Variants in NUP107 observed in about 807,000 individuals in gnomAD.
NUP107 encodes nuclear pore complex protein Nup107.
A neutral mutation model predicts 141.0 loss-of-function variants in NUP107; 101 were observed. The ratio of observed to expected loss-of-function variants is 0.72; its 90% CI spans 0.61 to 0.84. The LOEUF (loss-of-function observed/expected upper bound fraction) is 0.84. NUP107 is among the 40% of genes least tolerant of loss of function. NUP107 has a pLI of 0.00. For missense variants in NUP107, 941 were observed against 1,102.7 expected, an observed-to-expected ratio of 0.85 and a Z score of 2.08; for synonymous variants, 319 against 363.9, an observed-to-expected ratio of 0.88 and a Z score of 1.41.
intron 17 of NUP107, among the ~76,000 whole-genome samples, chr12:68,724,962 T>C (rs2136036420): frequency 6.6e-6 from 1 of 152,234 alleles, no homozygotes; most frequent in East Asian, 1.9e-4. Context: ...ATATGAGAAC[T>C]TAACAGATGT....
At chr12:68,708,249 C>T (rs2910104) in intron 8 of NUP107, among the ~76,000 whole-genome samples, 86,290 of 151,826 alleles carry the variant, frequency 0.57, 24,610 homozygotes, top group South Asian at 0.76. Context: ...GTTAGTCTAA[C>T]TTATGAGGAT....
intron 7 of NUP107, among the ~76,000 whole-genome samples, chr12:68,701,333 C>T (rs2261987): frequency 0.32 from 47,911 of 152,030 alleles, 7,641 homozygotes; most frequent in Middle Eastern, 0.35. Context: ...AAGGAATTGG[C>T]TAAATGAATT....
intron 6 of NUP107, 91 bp from the exon 7 acceptor site, chr12:68,700,635 C>A: frequency 1.3e-6 from 1 of 791,696 alleles, no homozygotes; most frequent in South Asian, 3.1e-5. Context: ...TTATTAAATA[C>A]AATTATTTTA....
intron 10 of NUP107, among the ~76,000 whole-genome samples, chr12:68,712,254 A>G (rs1449324083): frequency 1.3e-5 from 2 of 151,990 alleles, no homozygotes. Flanking sequence ...AGGCCAAGGC[A>G]GGTGGATCAC....
chr12:68,692,164 A>G (rs373745997), intron 5 of NUP107, 52 bp downstream of exon 5: 29 of 1,472,424 alleles, frequency 2.0e-5, no homozygotes, highest in Non-Finnish European at 2.5e-5. Flanking sequence ...TAGCAAGATG[A>G]AGGAAACCAT....
At chr12:68,741,743 A>G (rs1878327927) in intron 26 of NUP107, 70 bp from the exon 27 acceptor site, 2 of 1,440,344 alleles carry the variant, frequency 1.4e-6, no homozygotes, top group South Asian at 2.6e-5. Flanking sequence ...TTGATTCAGT[A>G]CCTGGCTTTT....
At position 68,687,014 on chromosome 12, in the gene NUP107, G is replaced by T. The variant is rs996243713; in HGVS notation, c.-52G>T. The T allele has an allele frequency of 8.7e-6, 14 of 1,613,624 alleles. No homozygotes were observed. In the East Asian group the frequency reaches 2.7e-4, roughly 31 times the overall value. ...TTCCGGAGAGCGGGAAGGCTAAAAC[G>T]CGGTAGCTAAACTGCAGCCAACTTT... On this transcript the variant is annotated 5_prime_UTR_variant, in exon 1 of 28. Transcript: ENST00000229179.
At chr12:68,729,504 T>C (rs1269127350) in intron 20 of NUP107, among the ~76,000 whole-genome samples, 3 of 151,946 alleles carry the variant, frequency 2.0e-5, no homozygotes, top group Non-Finnish European at 4.4e-5. Flanking sequence ...TGGCATGATC[T>C]TGGCTCACTG....
intron 11 of NUP107, among the ~76,000 whole-genome samples, chr12:68,714,538 G>A (rs1312240872): frequency 6.6e-6 from 1 of 152,162 alleles, no homozygotes; most frequent in Non-Finnish European, 1.5e-5. Context: ...AAATATTTAT[G>A]AAAGTAGTGA....
intron 12 of NUP107, among the ~76,000 whole-genome samples, chr12:68,717,383 C>A (rs1440615181): frequency 6.6e-6 from 1 of 151,864 alleles, no homozygotes; most frequent in Admixed American, 6.6e-5. Context: ...CAAGTTTTTT[C>A]CCTCTTTTTT....
rs2136058422 is a variant in NUP107 at position 68,743,361 on chromosome 12, C to T, written c.*899C>T. ...AGGTTGCAGTGAGCCGAGATCACGC[C>T]ACTGCACTCCAGCCTTGGGGACAGA... On this transcript the variant is annotated 3_prime_UTR_variant, in exon 28 of 28. Transcript: ENST00000229179. The T allele has an allele frequency of 6.6e-6, 1 of 152,544 alleles. No homozygotes were observed. Among genetic ancestry groups the T allele is most frequent in the Non-Finnish European group, 1.5e-5 (1 of 68,216 alleles). 9.4% of individuals were successfully genotyped at this position (152,544 alleles called of 1,614,324 possible). A position where few individuals can be genotyped will look rare whatever the true frequency, so the allele number is the denominator to read the frequency against.
intron 3 of NUP107, 180 bp from the exon 4 acceptor site, chr12:68,690,450 AT>A: frequency 1.2e-6 from 1 of 817,042 alleles, no homozygotes; most frequent in Non-Finnish European, 1.9e-6. Flanking sequence ...TACAGCTCAA[AT>A]TTAGAAAAAT....
Position 68,719,443 on chromosome 12 carries a change from G to T in NUP107, c.1174+12G>T. 1.2e-6 allele frequency: 2 copies of T among 1,609,780 alleles called. No individual in the cohort carries two copies. The highest frequency in any genetic ancestry group is 1.1e-5 in the South Asian group (1 of 90,890). On this transcript the variant is annotated intron_variant, in intron 13 of 27. Coordinates refer to ENST00000229179, the MANE Select transcript of NUP107 (RefSeq NM_020401.4). The stretch of plus-strand genomic sequence containing the variant: ...TAATGTTAATGGAGGTATTTTAGTA[G>T]ATTTTATTCTGACAGTTGAGGACAA...
At chr12:68,702,988 C>T (rs965563344) in intron 8 of NUP107, among the ~76,000 whole-genome samples, 4 of 151,806 alleles carry the variant, frequency 2.6e-5, no homozygotes, top group African/African-American at 4.8e-5. Flanking sequence ...GGATTACAGG[C>T]GTGCCCCACC....
chr12:68,716,490 C>G (rs528246659), intron 12 of NUP107, among the ~76,000 whole-genome samples: 173 of 146,080 alleles, frequency 1.2e-3, no homozygotes, highest in Non-Finnish European at 1.3e-3. Context: ...ATTGGCCTCC[C>G]AAAGTGCTGG....
intron 17 of NUP107, among the ~76,000 whole-genome samples, chr12:68,723,318 C>G (rs915560237): frequency 6.6e-6 from 1 of 152,142 alleles, no homozygotes; most frequent in African/African-American, 2.4e-5. Flanking sequence ...TACTACTGCA[C>G]TGGAGCCCAG....
chr12:68,694,570 A>G (rs1187988970), intron 5 of NUP107, among the ~76,000 whole-genome samples: 1 of 152,180 alleles, frequency 6.6e-6, no homozygotes, highest in Non-Finnish European at 1.5e-5. Flanking sequence ...CAACTCAACA[A>G]CAAAAAAACA....
chr12:68,709,165 T>G, intron 8 of NUP107, 73 bp from the exon 9 acceptor site: 1 of 1,033,670 alleles, frequency 9.7e-7, no homozygotes, highest in South Asian at 1.4e-5. Context: ...CTTTTTATCT[T>G]TCTATTAAAA....
chr12:68,727,246 A>G, intron 19 of NUP107, 105 bp from the exon 20 acceptor site: 1 of 595,034 alleles, frequency 1.7e-6, no homozygotes, highest in African/African-American at 1.9e-5. Flanking sequence ...GCTCAGTGGT[A>G]AACATTACAA....
Sources: gnomAD v4.1 joint callset for allele counts (sites outside exome capture counted in the v4.1 genomes callset) on GRCh38, gnomAD v4.1.1 for gene constraint, MANE v1.5 for transcripts, NCBI Gene and HGNC (gene_info 2026-07-23, HGNC 2026-07-21) for gene names.